CYP19A1: variants seen among roughly 807,000 people sequenced by gnomAD.
CYP19A1 encodes aromatase.
A neutral mutation model predicts 44.4 loss-of-function variants in CYP19A1; 32 were observed. The ratio of observed to expected loss-of-function variants is 0.72; its 90% CI spans 0.54 to 0.97. The LOEUF (loss-of-function observed/expected upper bound fraction) is 0.97, where lower values mean the gene tolerates loss of function less well. CYP19A1 is among the 50% of genes least tolerant of loss of function. The probability of loss-of-function intolerance (pLI) is 0.00; values close to 1 mark genes in which losing one functional copy is unlikely to be tolerated. For missense variants in CYP19A1, 598 were observed against 637.8 expected (o/e 0.94, Z 0.67); for synonymous variants, 212 against 215.6 (o/e 0.98, Z 0.14).
At chr15:51,227,744 C>CG (rs2032704283) in intron 4 of CYP19A1, 35 bp downstream of exon 4, 1 of 789,778 alleles carries the variant, frequency 1.3e-6, no homozygotes. Context: ...CATTCATAGA[C>CG]AAAAAAGATT....
intron 1 of CYP19A1, among the ~76,000 whole-genome samples, chr15:51,324,218 G>C (rs1002603281): frequency 6.6e-6 from 1 of 152,122 alleles, no homozygotes; most frequent in African/African-American, 2.4e-5. Flanking sequence ...CAAAAAGAGT[G>C]GACACACTAA....
At chr15:51,249,285 C>CA (rs1178611695) in intron 1 of CYP19A1, among the ~76,000 whole-genome samples, 1 of 152,140 alleles carries the variant, frequency 6.6e-6, no homozygotes, top group Non-Finnish European at 1.5e-5. Context: ...TCTCTCCACT[C>CA]AAAGTCTGAC....
chr15:51,218,838 A>G (rs1383861034), intron 5 of CYP19A1, among the ~76,000 whole-genome samples, 183 bp from the exon 6 acceptor site: 2 of 152,216 alleles, frequency 1.3e-5, no homozygotes, highest in African/African-American at 4.8e-5. Context: ...AGACAAATCA[A>G]GCACTGATTT....
intron 1 of CYP19A1, among the ~76,000 whole-genome samples, chr15:51,296,861 G>A (rs2140996375): frequency 6.6e-6 from 1 of 152,258 alleles, no homozygotes; most frequent in South Asian, 2.1e-4. Flanking sequence ...GACCTTTACA[G>A]TTTTAAAAAG....
At chr15:51,223,911 G>A (rs1045387152) in intron 4 of CYP19A1, among the ~76,000 whole-genome samples, 2 of 152,156 alleles carry the variant, frequency 1.3e-5, no homozygotes, top group South Asian at 2.1e-4. Flanking sequence ...CTCCCAGGCC[G>A]ATGCATGATT....
Position 51,329,635 on chromosome 15 carries a change from G to A in CYP19A1, c.-39+8860C>T, listed in dbSNP as rs12592672. 0.015 allele frequency among the ~76,000 whole-genome samples: 2,288 copies of A among 152,330 alleles called. 187 individuals carry two copies. The East Asian group carries it at 0.25, about 17-fold the overall frequency. ...AACCATCTGTCAGTGGGCAGAGGGT[G>A]CTGCTGGTATGAAACTGATCACTCC... On this transcript the variant is annotated intron_variant, in intron 1 of 9. Transcript: ENST00000396402.
intron 3 of CYP19A1, among the ~76,000 whole-genome samples, chr15:51,229,618 G>T (rs1254923479): frequency 3.9e-5 from 6 of 151,974 alleles, no homozygotes; most frequent in African/African-American, 1.4e-4. Context: ...TGGGGAATTT[G>T]TCTGACGTTT....
intron 1 of CYP19A1, among the ~76,000 whole-genome samples, chr15:51,328,399 C>T (rs576127133): frequency 7.9e-5 from 12 of 152,086 alleles, no homozygotes; most frequent in Admixed American, 2.0e-4. Context: ...CATCTGACAT[C>T]CCCCCCTACC....
intron 1 of CYP19A1, chr15:51,318,342 A>T (rs1218004315): frequency 2.0e-5 from 3 of 152,270 alleles, no homozygotes; most frequent in Non-Finnish European, 4.4e-5. Flanking sequence ...AGCTCCAAAG[A>T]TAAGTTCCAA....
chr15:51,264,150 A>G (rs1300538448), intron 1 of CYP19A1, among the ~76,000 whole-genome samples: 1 of 152,204 alleles, frequency 6.6e-6, no homozygotes, highest in African/African-American at 2.4e-5. Flanking sequence ...GAACTGCTGT[A>G]GAGAAGGGAC....
At chr15:51,251,983 C>A (rs764257538) in intron 1 of CYP19A1, among the ~76,000 whole-genome samples, 7 of 152,178 alleles carry the variant, frequency 4.6e-5, no homozygotes, top group African/African-American at 7.2e-5. Flanking sequence ...TGCTGCCCAG[C>A]ATTCTTACCC....
chr15:51,245,306 T>G (rs1181576213), intron 1 of CYP19A1, among the ~76,000 whole-genome samples: 2 of 152,250 alleles, frequency 1.3e-5, no homozygotes, highest in Non-Finnish European at 2.9e-5. Flanking sequence ...CACTTAAAAA[T>G]CCAGCAGGGT....
intron 2 of CYP19A1, 146 bp downstream of exon 2, chr15:51,242,622 C>T: frequency 1.5e-6 from 1 of 661,568 alleles, no homozygotes; most frequent in Non-Finnish European, 2.7e-6. Flanking sequence ...AATTTTCTCC[C>T]AAGTCCTCAT....
At chr15:51,215,592 G>A in intron 7 of CYP19A1, 111 bp downstream of exon 7, 1 of 1,590,674 alleles carries the variant, frequency 6.3e-7, no homozygotes, top group Admixed American at 1.7e-5. Flanking sequence ...AACTGCTAGA[G>A]AAAGTATTTA....
rs28757211 is a variant in CYP19A1 at position 51,209,569 on chromosome 15, G to A, written c.*1239C>T. 3.9e-5 allele frequency: 6 copies of A among 152,672 alleles called. No individual in the cohort carries two copies. The highest frequency in any genetic ancestry group is 6.5e-5 in the Admixed American group (1 of 15,280). The allele number at this position is 152,672 out of a possible 1,614,324, so 9.5% of individuals were successfully genotyped here. On this transcript the variant is annotated 3_prime_UTR_variant, in exon 10 of 10. Coordinates refer to ENST00000396402, the MANE Select transcript of CYP19A1 (RefSeq NM_000103.4). ...TATAACACAAGTAAAGTGGTGTTTG[G>A]AAAGTTCCTCCATTCATTTGATTTC...
At chr15:51,240,600 GC>G (rs1354467960) in intron 2 of CYP19A1, among the ~76,000 whole-genome samples, 1 of 152,004 alleles carries the variant, frequency 6.6e-6, no homozygotes, top group Non-Finnish European at 1.5e-5. Context: ...CCCAAACAAG[GC>G]CAATTTTCTT....
chr15:51,322,153 T>C (rs1166102919), intron 1 of CYP19A1, among the ~76,000 whole-genome samples: 1 of 152,118 alleles, frequency 6.6e-6, no homozygotes, highest in African/African-American at 2.4e-5. Context: ...GGGCTTGAAA[T>C]AGGCTGAGTG....
chr15:51,285,546 T>C (rs181806459), intron 1 of CYP19A1, among the ~76,000 whole-genome samples: 100 of 152,360 alleles, frequency 6.6e-4, no homozygotes, highest in African/African-American at 2.4e-3. Flanking sequence ...TCTGACATAA[T>C]GTCCAGGGCT....
In CYP19A1 at chr15:51,218,561, G is replaced by A. The variant is rs763363833; in HGVS notation, c.723C>T (p.Tyr241=). 22 of 1,613,228 alleles carry A rather than the reference G, an allele frequency of 1.4e-5. No individual in the cohort carries two copies. Among genetic ancestry groups the A allele is most frequent in the Non-Finnish European group, 1.9e-5 (22 of 1,179,668 alleles). ...CTTACACAGACTTCTCATACTTTTT[G>A]TATAGCCAAGAAATCTTAAAGAAGA... ...PDIFFKISWL[Y]KKYEKSVKDL... Residue 241 remains tyrosine, a synonymous_variant, in exon 6 of 10, where the codon TAC becomes TAT. Transcript: ENST00000396402.
Sources: gnomAD v4.1 joint callset for allele counts (sites outside exome capture counted in the v4.1 genomes callset) on GRCh38, gnomAD v4.1.1 for gene constraint, MANE v1.5 for transcripts, NCBI Gene and HGNC (gene_info 2026-07-23, HGNC 2026-07-21) for gene names.